The following NAV2 variants were observed in gnomAD, a reference collection of about 807,000 sequenced individuals.
NAV2 encodes the protein helicase, APC down-regulated 1.
A neutral mutation model predicts 223.2 loss-of-function variants in NAV2; 54 were observed. The observed-to-expected ratio is 0.24, with a 90% CI of 0.19 to 0.30. The LOEUF (loss-of-function observed/expected upper bound fraction) is 0.30. Among genes scored for constraint, NAV2 ranks in the 10% least tolerant of loss-of-function variants. The pLI, the probability that NAV2 is intolerant of heterozygous loss-of-function variation, is 1.00. For synonymous variants in NAV2, 1,279 were observed against 1,239.3 expected, an observed-to-expected ratio of 1.03 and a Z score of -0.67; for missense variants, 2,806 against 3,147.5, an observed-to-expected ratio of 0.89 and a Z score of 2.60.
intron 19 of NAV2, among the ~76,000 whole-genome samples, chr11:20,059,698 A>G (rs1448765859): frequency 6.6e-6 from 1 of 152,218 alleles, no homozygotes; most frequent in Non-Finnish European, 1.5e-5. Flanking sequence ...GTGTGACCTT[A>G]AACAAGTCAT....
At chr11:20,109,886 C>T (rs2062478539) in intron 36 of NAV2, among the ~76,000 whole-genome samples, 1 of 152,258 alleles carries the variant, frequency 6.6e-6, no homozygotes, top group Admixed American at 6.5e-5. Context: ...TGTCTGTGCT[C>T]CAGCCTTGCG....
intron 1 of NAV2, among the ~76,000 whole-genome samples, chr11:19,517,118 G>A (rs1231617099): frequency 6.6e-6 from 1 of 152,038 alleles, no homozygotes; most frequent in East Asian, 1.9e-4. Context: ...TGAGAAAGTA[G>A]TAGAAGGAAT....
chr11:19,765,961 C>G (rs1234946805), intron 1 of NAV2, among the ~76,000 whole-genome samples: 1 of 152,126 alleles, frequency 6.6e-6, no homozygotes, highest in Non-Finnish European at 1.5e-5. Flanking sequence ...TAATGCCAGC[C>G]TAGCATCAGC....
At position 20,050,854 on chromosome 11, in the gene NAV2, C is replaced by T. The variant is rs376271038; in HGVS notation, c.4437-435C>T. On this transcript the variant is annotated intron_variant, in intron 16 of 37. Coordinates refer to ENST00000349880, the MANE Select transcript of NAV2 (RefSeq NM_145117.5). ...ACAAGTCTGTTCTCCCATTTGAAGT[C>T]ATTGCCAGTGGCATTTAGGGGGTGG... is the stretch of plus-strand genomic sequence containing the variant. Among the ~76,000 whole-genome samples the T allele has an allele frequency of 7.2e-5, 11 of 152,196 alleles. No individual in the cohort carries two copies. In the East Asian group the frequency reaches 1.5e-3, roughly 21 times the overall value.
At chr11:19,994,865 C>A (rs538895412) in intron 11 of NAV2, among the ~76,000 whole-genome samples, 1 of 152,198 alleles carries the variant, frequency 6.6e-6, no homozygotes, top group Non-Finnish European at 1.5e-5. Context: ...TGTTCAGAAT[C>A]ATCAATTGTA....
intron 11 of NAV2, among the ~76,000 whole-genome samples, chr11:20,021,925 TTC>T (rs1447400613): frequency 1.3e-5 from 2 of 152,238 alleles, no homozygotes; most frequent in Non-Finnish European, 2.9e-5. Flanking sequence ...CTTTGAAAGC[TTC>T]TGTTTGCTGA....
chr11:19,427,946 G>A (rs1489402725), intron 1 of NAV2, among the ~76,000 whole-genome samples: 2 of 151,658 alleles, frequency 1.3e-5, no homozygotes, highest in African/African-American at 4.8e-5. Context: ...GCATCCCCCC[G>A]CTAGTTTGTT....
At chr11:19,397,700 G>C (rs1849516932) in intron 1 of NAV2, among the ~76,000 whole-genome samples, 1 of 152,154 alleles carries the variant, frequency 6.6e-6, no homozygotes, top group African/African-American at 2.4e-5. Context: ...ATATGTCACA[G>C]AGAAAAGATC....
At chr11:19,496,616 C>T (rs1039875483) in intron 1 of NAV2, among the ~76,000 whole-genome samples, 2 of 152,208 alleles carry the variant, frequency 1.3e-5, no homozygotes, top group African/African-American at 4.8e-5. Flanking sequence ...TCACACTACA[C>T]ATCAGGTCAG....
At chr11:19,948,268 T>C (rs528621522) in intron 9 of NAV2, among the ~76,000 whole-genome samples, 80 of 152,184 alleles carry the variant, frequency 5.3e-4, no homozygotes, top group African/African-American at 1.8e-3. Flanking sequence ...GTATTTTTAG[T>C]AGAGATGGGG....
chr11:19,396,700 T>C (rs1036631672), intron 1 of NAV2, among the ~76,000 whole-genome samples: 1 of 152,212 alleles, frequency 6.6e-6, no homozygotes, highest in East Asian at 1.9e-4. Context: ...TTGGTGAACA[T>C]TGATGGAGTG....
At chr11:19,659,579 G>T (rs996938890) in intron 1 of NAV2, among the ~76,000 whole-genome samples, 16 of 152,182 alleles carry the variant, frequency 1.1e-4, no homozygotes, top group Admixed American at 2.6e-4. Context: ...ATGGTGGCCT[G>T]AGCTATATAG....
intron 4 of NAV2, among the ~76,000 whole-genome samples, chr11:19,870,233 A>T (rs558183886): frequency 1.3e-5 from 2 of 152,068 alleles, no homozygotes; most frequent in Non-Finnish European, 2.9e-5. Context: ...GCTGGCTGAC[A>T]TGTGGAATAT....
intron 10 of NAV2, among the ~76,000 whole-genome samples, chr11:19,969,825 A>T (rs1246116506): frequency 6.6e-6 from 1 of 152,010 alleles, no homozygotes; most frequent in Non-Finnish European, 1.5e-5. Context: ...AGGTGCCTGT[A>T]GTCCCAGCTA....
chr11:19,793,543 C>CTGGGCTCTGGGCCTGG (rs1302062412), intron 1 of NAV2, among the ~76,000 whole-genome samples: 3 of 152,180 alleles, frequency 2.0e-5, no homozygotes, highest in African/African-American at 7.2e-5. Context: ...TCTCTGCTGC[C>CTGGGCTCTGGGCCTGG]GTCACCTAGC....
intron 1 of NAV2, among the ~76,000 whole-genome samples, chr11:19,501,840 G>T (rs1252451864): frequency 6.6e-6 from 1 of 152,098 alleles, no homozygotes; most frequent in Non-Finnish European, 1.5e-5. Flanking sequence ...AGGCAATATT[G>T]CGCTCTGGGA....
At chr11:19,490,085 T>C (rs1431478262) in intron 1 of NAV2, among the ~76,000 whole-genome samples, 1 of 152,238 alleles carries the variant, frequency 6.6e-6, no homozygotes, top group Non-Finnish European at 1.5e-5. Flanking sequence ...CTCGAAATAA[T>C]GTATATACCT....
At chr11:19,662,881 G>T (rs574178420) in intron 1 of NAV2, among the ~76,000 whole-genome samples, 5 of 152,328 alleles carry the variant, frequency 3.3e-5, no homozygotes, top group Admixed American at 3.3e-4. Flanking sequence ...GGACCCAGAT[G>T]ATGCCTGCTA....
At chr11:19,560,475 G>A (rs1462720081) in intron 1 of NAV2, among the ~76,000 whole-genome samples, 1 of 152,046 alleles carries the variant, frequency 6.6e-6, no homozygotes, top group Non-Finnish European at 1.5e-5. Flanking sequence ...TTTATAACGA[G>A]CAATGTGCCT....
Sources: allele counts gnomAD v4.1 joint callset (sites outside exome capture counted in the v4.1 genomes callset), GRCh38; gene constraint gnomAD v4.1.1; transcripts MANE v1.5; gene names NCBI Gene and HGNC (gene_info 2026-07-23, HGNC 2026-07-21).